DUSP26: variants seen among roughly 807,000 people sequenced by gnomAD.
DUSP26 encodes the protein dual specificity phosphatase 26, also known as dual specificity protein phosphatase 26.
DUSP26 carries 12 observed loss-of-function variants against 20.0 expected under a neutral mutation model. The ratio of observed to expected loss-of-function variants is 0.60; its 90% confidence interval spans 0.38 to 0.97. The LOEUF is 0.97. DUSP26 is among the 50% of genes least tolerant of loss of function. The pLI is 0.00. For synonymous variants in DUSP26, 120 were observed against 118.8 expected (o/e 1.01, Z -0.06); for missense variants, 230 against 294.0 (o/e 0.78, Z 1.59).
chr8:33,597,724 G>T, intron 1 of DUSP26, 133 bp from the exon 2 acceptor site: 1 of 513,574 alleles, frequency 1.9e-6, no homozygotes, highest in Non-Finnish European at 3.4e-6. Context: ...GCCTTCAGGG[G>T]TGGCTTTTTC....
rs145161606 is a variant in DUSP26 at position 33,595,741 on chromosome 8, G to A, written c.221+1554C>T. Among the ~76,000 whole-genome samples the A allele has an allele frequency of 1.4e-3, 214 of 152,182 alleles. 1 individual carries two copies. Among genetic ancestry groups the A allele is most frequent in the African/African-American group, 5.0e-3 (209 of 41,530 alleles). On this transcript the variant is annotated intron_variant, in intron 2 of 3. Transcript: ENST00000256261. ...CATCCGGCCCAGACCCCTCAGCTTG[G>A]TGGCAGACACCCCTGGGCACCACAG...
At chr8:33,596,006 A>G (rs1017263974) in intron 2 of DUSP26, among the ~76,000 whole-genome samples, 1 of 152,194 alleles carries the variant, frequency 6.6e-6, no homozygotes, top group African/African-American at 2.4e-5. Context: ...CTTGTAGGCC[A>G]GGCACGGTGG....
In DUSP26 at chr8:33,592,166, G is replaced by C. The variant is rs745493751; in HGVS notation, c.483C>G (p.Thr161=). The change falls in exon 4 of 4, where the codon ACC becomes ACG. Residue 161 remains threonine, a synonymous_variant. Transcript: ENST00000256261. ...ACAGCATGAGGTAGGCCAGTACCAG[G>C]GTGGCGGATCGGCTCACGCCCACAG... ...HCAVGVSRSA[T]LVLAYLMLYH... 6.2e-7 allele frequency: 1 copy of C among 1,613,920 alleles called. No individual in the cohort carries two copies. The highest frequency in any genetic ancestry group is 1.1e-5 in the South Asian group (1 of 91,060).
At chr8:33,594,415 A>AC (rs886669786) in intron 2 of DUSP26, among the ~76,000 whole-genome samples, 43 of 151,470 alleles carry the variant, frequency 2.8e-4, no homozygotes, top group Admixed American at 2.2e-3. Flanking sequence ...ACATGGTGAA[A>AC]CCCCATCTCT....
intron 3 of DUSP26, 102 bp downstream of exon 3, chr8:33,593,431 C>A: frequency 7.7e-7 from 1 of 1,290,988 alleles, no homozygotes; most frequent in South Asian, 1.4e-5. Context: ...AGATCCTGAG[C>A]ATTTTGTCAT....
At position 33,592,538 on chromosome 8, in the gene DUSP26, C is replaced by CAAAAAAAAAAAAAAAA. The variant is rs745687703; in HGVS notation, c.437-342_437-327dup. ...AGGCAACAAAAGTGAAACCCCATCT[C>CAAAAAAAAAAAAAAAA]AAAAAAAAAAAAAAAAAAAAAAAAA... On this transcript the variant is annotated intron_variant, in intron 3 of 3. Transcript: ENST00000256261. Among the ~76,000 whole-genome samples, 28 of 23,768 alleles carry CAAAAAAAAAAAAAAAA rather than the reference C, an allele frequency of 1.2e-3. 4 individuals carry two copies. The highest frequency in any genetic ancestry group is 4.8e-3 in the African/African-American group (28 of 5,868). The allele number at this position is 23,768 out of a possible 152,430, so 15.6% of individuals were successfully genotyped here. A position where few individuals can be genotyped will look rare whatever the true frequency, so the allele number is the denominator to read the frequency against.
rs1272408585 is a variant in DUSP26 at position 33,598,209 on chromosome 8, A to G, written c.-76-618T>C. Among the ~76,000 whole-genome samples the G allele has an allele frequency of 2.6e-5, 4 of 152,240 alleles. No individual in the cohort carries two copies. In the East Asian group the frequency reaches 5.8e-4, roughly 22 times the overall value. ...GGGATGGGGTGAGTGGAGAATAGCAATAAAGAGGAAGAGTAAGTTTGCAAA... is the reference window on the plus strand; with the variant it reads ...GGGATGGGGTGAGTGGAGAATAGCAGTAAAGAGGAAGAGTAAGTTTGCAAA... On this transcript the variant is annotated intron_variant, in intron 1 of 3. Transcript: ENST00000256261.
chr8:33,593,791 G>A (rs148694160), intron 2 of DUSP26, 44 bp from the exon 3 acceptor site: 27,884 of 1,600,602 alleles, frequency 0.017, 410 homozygotes, highest in South Asian at 0.057. Flanking sequence ...AAGCCAGGTT[G>A]TTGGGGAAGA....
In DUSP26 at chr8:33,593,881, G is replaced by A. The variant is rs890240053; in HGVS notation, c.222-134C>T. 4.9e-6 allele frequency: 5 copies of A among 1,026,986 alleles called. No homozygotes were observed. The African/African-American group carries it at 8.0e-5, about 16-fold the overall frequency. 63.6% of individuals were successfully genotyped at this position (1,026,986 alleles called of 1,614,324 possible). A position where few individuals can be genotyped will look rare whatever the true frequency, so the allele number is the denominator to read the frequency against. On this transcript the variant is annotated intron_variant, in intron 2 of 3. Transcript: ENST00000256261. ...AGATGGAGTCTCGCTCTGTTTCCTAGGCCAGAGTGCTCACTGCCACCTCCA... is the reference window on the plus strand; with the variant it reads ...AGATGGAGTCTCGCTCTGTTTCCTAAGCCAGAGTGCTCACTGCCACCTCCA...
rs1384497994 is a variant in DUSP26, at chr8:33,593,702, C to A, written c.267G>T (p.Thr89=). The change falls in exon 3 of 4, where the codon ACG becomes ACT. Residue 89 remains threonine (T), a synonymous_variant. Transcript: ENST00000256261. ...GGCTGTGTGAGGCATTGAGGACGTG[C>A]GTGATGCCCAGGCGGCGAAGCTCCC... ...NRRELRRLGI[T]HVLNASHSRW... 1 of 1,614,216 alleles carries A rather than the reference C, an allele frequency of 6.2e-7. No homozygotes were observed. Among genetic ancestry groups the A allele is most frequent in the Non-Finnish European group, 8.5e-7 (1 of 1,180,040 alleles).
chr8:33,595,457 C>A (rs139929337), intron 2 of DUSP26, among the ~76,000 whole-genome samples: 1,730 of 151,698 alleles, frequency 0.011, 34 homozygotes, highest in African/African-American at 0.04. Flanking sequence ...TCTCGGCTCA[C>A]TGCCACCTCT....
chr8:33,594,396 T>C (rs1047874041), intron 2 of DUSP26, among the ~76,000 whole-genome samples: 5 of 151,420 alleles, frequency 3.3e-5, no homozygotes, highest in African/African-American at 9.7e-5. Context: ...ATCAAGACCA[T>C]CATAGCTAAC....
intron 3 of DUSP26, among the ~76,000 whole-genome samples, chr8:33,592,675 G>A (rs1303413142): frequency 6.6e-6 from 1 of 151,968 alleles, no homozygotes; most frequent in Non-Finnish European, 1.5e-5. Flanking sequence ...AAAGGGGAGA[G>A]GCCTGGACAG....
At position 33,593,381 on chromosome 8, in the gene DUSP26, TA is replaced by T. The variant is rs1009629778; in HGVS notation, c.436+151del. On this transcript the variant is annotated intron_variant, in intron 3 of 3. Transcript: ENST00000256261. ...CTTCTTGTCTTTTTCTGTATTGCTT[TA>T]AAAAAATGGTTGAGATAATATTTTT... 34 of 919,054 alleles carry T rather than the reference TA, an allele frequency of 3.7e-5. No individual in the cohort carries two copies. In the East Asian group the frequency reaches 6.1e-4, roughly 17 times the overall value. 56.9% of individuals were successfully genotyped at this position (919,054 alleles called of 1,614,324 possible). A position where few individuals can be genotyped will look rare whatever the true frequency, so the allele number is the denominator to read the frequency against.
chr8:33,593,795 G>C (rs754249897), intron 2 of DUSP26, 48 bp from the exon 3 acceptor site: 7 of 1,597,100 alleles, frequency 4.4e-6, no homozygotes. Flanking sequence ...CAGGTTGTTG[G>C]GGAAGACTCC....
At position 33,591,978 on chromosome 8, in the gene DUSP26, C is replaced by T. The variant is rs754177344; in HGVS notation, c.*35G>A. On this transcript the variant is annotated 3_prime_UTR_variant, in exon 4 of 4. Coordinates refer to ENST00000256261, the MANE Select transcript of DUSP26 (RefSeq NM_024025.3). Reference sequence around the variant, plus strand: ...TCTCCAGCTGGGAGCCAGGGACCTACCCACGGGCCTGGCCTGACCTCTCTC... The same window carrying T: ...TCTCCAGCTGGGAGCCAGGGACCTATCCACGGGCCTGGCCTGACCTCTCTC... 8.6e-5 allele frequency: 138 copies of T among 1,608,422 alleles called. No homozygotes were observed. The highest frequency in any genetic ancestry group is 1.1e-4 in the Non-Finnish European group (127 of 1,179,216).
chr8:33,594,861 T>C (rs1182747025), intron 2 of DUSP26, among the ~76,000 whole-genome samples: 1 of 151,672 alleles, frequency 6.6e-6, no homozygotes, highest in East Asian at 2.0e-4. Context: ...GTAGCTGGGA[T>C]TACAGGTGCC....
chr8:33,597,413 T>C lies in DUSP26; in HGVS notation c.103A>G (p.Met35Val). ...PVRTRGTLEEMPTVQHPFLNV... is the reference protein window; with the variant it reads ...PVRTRGTLEEVPTVQHPFLNV... ...AGGAAAGGATGTTGAACGGTTGGCA[T>C]CTCCTCCAGGGTCCCTCGAGTTCGA... Residue 35 changes from methionine to valine, a missense_variant, in exon 2 of 4, where the codon ATG becomes GTG. Physicochemically the swap from Met to Val is conservative, Grantham distance 21. Coordinates refer to ENST00000256261, the MANE Select transcript of DUSP26 (RefSeq NM_024025.3). 1 of 1,614,090 alleles carries C rather than the reference T, an allele frequency of 6.2e-7. No homozygotes were observed. The highest frequency in any genetic ancestry group is 1.3e-5 in the African/African-American group (1 of 75,024).
Position 33,593,725 on chromosome 8 carries a change from C to T in DUSP26, c.244G>A (p.Glu82Lys), listed in dbSNP as rs1292100733. 1.2e-6 allele frequency: 2 copies of T among 1,614,194 alleles called. No individual in the cohort carries two copies. Among genetic ancestry groups the T allele is most frequent in the East Asian group, 2.2e-5 (1 of 44,890 alleles). Residue 82 changes from glutamate to lysine, a missense_variant, in exon 3 of 4, where the codon GAG becomes AAG. Physicochemically the swap from Glu to Lys is moderately conservative, Grantham distance 56. Coordinates refer to ENST00000256261, the MANE Select transcript of DUSP26 (RefSeq NM_024025.3). ...GDQDMANNRRELRRLGITHVL... is the reference protein window; with the variant it reads ...GDQDMANNRRKLRRLGITHVL... Reference sequence around the variant, plus strand: ...TGCGTGATGCCCAGGCGGCGAAGCTCCCGGCGGTTGTTAGCCATGTCCCTG... The same window carrying T: ...TGCGTGATGCCCAGGCGGCGAAGCTTCCGGCGGTTGTTAGCCATGTCCCTG...
Sources: allele counts gnomAD v4.1 joint callset (sites outside exome capture counted in the v4.1 genomes callset), GRCh38; gene constraint gnomAD v4.1.1; transcripts MANE v1.5; gene names NCBI Gene and HGNC (gene_info 2026-07-23, HGNC 2026-07-21).